The following FRMD4A variants were observed in gnomAD, a reference collection of about 807,000 sequenced individuals.
The protein encoded by FRMD4A is FERM domain containing 4A.
FRMD4A carries 29 observed loss-of-function variants against 129.1 expected under a neutral mutation model. The ratio of observed to expected loss-of-function variants is 0.22; its 90% CI spans 0.17 to 0.31. FRMD4A has a LOEUF of 0.31. Ranked by LOEUF, FRMD4A falls within the 10% of genes least tolerant of loss-of-function variation. The pLI is 1.00. For synonymous variants in FRMD4A, 634 were observed against 571.6 expected, an observed-to-expected ratio of 1.11 and a Z score of -1.56; for missense variants, 1,272 against 1,375.8, an observed-to-expected ratio of 0.92 and a Z score of 1.19.
intron 2 of FRMD4A, among the ~76,000 whole-genome samples, chr10:13,865,541 C>G (rs902183189): frequency 6.6e-6 from 1 of 150,700 alleles, no homozygotes; most frequent in Non-Finnish European, 1.5e-5. Flanking sequence ...GCTTCAACCT[C>G]CCAGGCTCAA....
At chr10:14,037,661 A>T (rs1266326710) in intron 2 of FRMD4A, among the ~76,000 whole-genome samples, 1 of 5,890 alleles carries the variant, frequency 1.7e-4, no homozygotes, top group Non-Finnish European at 8.6e-3. Context: ...TGTGTATTTA[A>T]AAAAAAAATT....
At chr10:14,179,974 C>T (rs932365812) in intron 2 of FRMD4A, among the ~76,000 whole-genome samples, 62 of 152,232 alleles carry the variant, frequency 4.1e-4, no homozygotes, top group African/African-American at 1.4e-3. Context: ...GCGGAGGTTG[C>T]GGTGAGCTGA....
Position 13,755,077 on chromosome 10 carries a change from A to G in FRMD4A, c.464+6570T>C, listed in dbSNP as rs72769552. ...TACAGACTGCTGCTTTAGATTAATC[A>G]AGTCTCCATGTTGTAGCTGGCAAGA... On this transcript the variant is annotated intron_variant, in intron 8 of 24. Coordinates refer to ENST00000357447, the MANE Select transcript of FRMD4A (RefSeq NM_018027.5). Among the ~76,000 whole-genome samples the G allele has an allele frequency of 5.2e-3, 790 of 152,342 alleles. 4 individuals are homozygous for G. The highest frequency in any genetic ancestry group is 7.6e-3 in the Non-Finnish European group (515 of 68,024).
chr10:13,720,196 G>A (rs963743558), intron 12 of FRMD4A, among the ~76,000 whole-genome samples: 4 of 152,220 alleles, frequency 2.6e-5, no homozygotes, highest in East Asian at 1.9e-4. Context: ...CTACAGGTGC[G>A]CGCCAGCACG....
chr10:14,001,859 A>G lies in FRMD4A; in HGVS notation c.46-142947T>C, dbSNP rs143127093. On this transcript the variant is annotated intron_variant, in intron 2 of 24. Transcript: ENST00000357447. ...AACAGTTCTTGGCTGCCTGCGCTCA[A>G]TGGTAATAAATATCCACTGAAAGCC... Among the ~76,000 whole-genome samples the G allele has an allele frequency of 6.9e-3, 1,056 of 152,342 alleles. 16 individuals carry two copies. The highest frequency in any genetic ancestry group is 0.024 in the African/African-American group (1,010 of 41,574).
At chr10:13,948,032 T>C (rs1004887168) in intron 2 of FRMD4A, among the ~76,000 whole-genome samples, 1 of 149,584 alleles carries the variant, frequency 6.7e-6, no homozygotes, top group South Asian at 2.2e-4. Flanking sequence ...ATCTTGCCTC[T>C]ATAAAAAATA....
chr10:13,659,600 A>T, intron 20 of FRMD4A, 110 bp from the exon 21 acceptor site: 1 of 1,094,078 alleles, frequency 9.1e-7, no homozygotes. Context: ...CTCGCCCGTG[A>T]CTCCCACCTC....
rs558956130 is a variant in FRMD4A, at chr10:13,730,433, G to A, written c.759+7411C>T. Among the ~76,000 whole-genome samples, 4 of 152,302 alleles carry A rather than the reference G, an allele frequency of 2.6e-5. No homozygotes were observed. The East Asian group carries it at 7.7e-4, about 29-fold the overall frequency. The stretch of plus-strand genomic sequence containing the variant: ...CCGTGGGATACCCAGTCTGAGGCAT[G>A]TTGCTATCGACAGTCATTTCACACA... On this transcript the variant is annotated intron_variant, in intron 12 of 24. Coordinates refer to ENST00000357447, the MANE Select transcript of FRMD4A (RefSeq NM_018027.5).
chr10:14,223,094 A>AAAC (rs1204429133), intron 2 of FRMD4A, among the ~76,000 whole-genome samples: 67 of 152,238 alleles, frequency 4.4e-4, no homozygotes, highest in Admixed American at 4.4e-3. Context: ...TCTGTCTCAA[A>AAAC]AACAACAACA....
chr10:14,117,562 C>A (rs1045605319), intron 2 of FRMD4A, among the ~76,000 whole-genome samples: 7 of 152,042 alleles, frequency 4.6e-5, no homozygotes, highest in African/African-American at 1.7e-4. Context: ...AAGCATCAGA[C>A]AATGAGAAGA....
At chr10:14,003,360 C>T (rs776131572) in intron 2 of FRMD4A, among the ~76,000 whole-genome samples, 7 of 152,080 alleles carry the variant, frequency 4.6e-5, no homozygotes, top group African/African-American at 7.3e-5. Context: ...GGAGAGATGA[C>T]GAAGTTCATC....
intron 12 of FRMD4A, among the ~76,000 whole-genome samples, chr10:13,731,159 C>T (rs923992278): frequency 1.3e-5 from 2 of 152,110 alleles, no homozygotes; most frequent in Non-Finnish European, 2.9e-5. Flanking sequence ...GAATTCCAAC[C>T]GTAGCCATGA....
intron 15 of FRMD4A, chr10:13,684,792 CAA>C: frequency 1.0e-6 from 1 of 981,414 alleles, no homozygotes; most frequent in Non-Finnish European, 1.2e-6. Context: ...TCAAAGCAAA[CAA>C]TGCTCCAAAG....
intron 2 of FRMD4A, among the ~76,000 whole-genome samples, chr10:14,071,280 A>G (rs1432579840): frequency 6.6e-6 from 1 of 152,214 alleles, no homozygotes; most frequent in Non-Finnish European, 1.5e-5. Context: ...TAAGAGACCA[A>G]GATTAAATCA....
At chr10:13,981,795 C>G (rs558926917) in intron 2 of FRMD4A, among the ~76,000 whole-genome samples, 1 of 149,896 alleles carries the variant, frequency 6.7e-6, no homozygotes, top group Admixed American at 6.6e-5. Context: ...GGAGACTGCT[C>G]CATCTCCCTG....
At chr10:13,835,633 C>G (rs1393663558) in intron 3 of FRMD4A, among the ~76,000 whole-genome samples, 2 of 152,128 alleles carry the variant, frequency 1.3e-5, no homozygotes, top group Non-Finnish European at 2.9e-5. Context: ...GTTGTGTGCT[C>G]CATCAGGTGT....
chr10:14,208,652 G>A (rs1842852846), intron 2 of FRMD4A, among the ~76,000 whole-genome samples: 1 of 152,026 alleles, frequency 6.6e-6, no homozygotes, highest in African/African-American at 2.4e-5. Context: ...CTACAGGCTT[G>A]GAATGTCAAG....
intron 2 of FRMD4A, among the ~76,000 whole-genome samples, chr10:14,146,650 A>C (rs1323689045): frequency 1.3e-5 from 2 of 152,186 alleles, no homozygotes; most frequent in African/African-American, 4.8e-5. Flanking sequence ...CAGAATCCTT[A>C]CTTATGACAC....
intron 19 of FRMD4A, 98 bp downstream of exon 19, chr10:13,663,355 G>T (rs2082782866): frequency 4.1e-6 from 3 of 740,710 alleles, no homozygotes; most frequent in Non-Finnish European, 7.3e-6. Context: ...TTTTGGCCTG[G>T]CTCTTGCCTT....
Sources: allele counts gnomAD v4.1 joint callset (sites outside exome capture counted in the v4.1 genomes callset), GRCh38; gene constraint gnomAD v4.1.1; transcripts MANE v1.5; gene names NCBI Gene and HGNC (gene_info 2026-07-23, HGNC 2026-07-21).